VPS41: variants seen among roughly 807,000 people sequenced by gnomAD.
VPS41 encodes the protein VPS41 subunit of HOPS complex.
Under a neutral mutation model 130.9 loss-of-function variants are expected in VPS41, and 85 were observed. The observed-to-expected ratio is 0.65, with a 90% CI of 0.55 to 0.78. VPS41 has a LOEUF of 0.78. Ranked by LOEUF, VPS41 falls within the 30% of genes least tolerant of loss-of-function variation. The probability of loss-of-function intolerance (pLI) is 0.00; values close to 1 mark genes in which losing one functional copy is unlikely to be tolerated. For synonymous variants in VPS41, 335 were observed against 332.9 expected (o/e 1.01, Z -0.07); for missense variants, 874 against 1,018.7 (o/e 0.86, Z 1.93).
intron 4 of VPS41, among the ~76,000 whole-genome samples, chr7:38,850,267 C>T (rs2116260546): frequency 6.6e-6 from 1 of 152,244 alleles, no homozygotes; most frequent in South Asian, 2.1e-4. Flanking sequence ...TCACATTTCC[C>T]TTATTATTCT....
chr7:38,765,698 A>G (rs1784025787), intron 15 of VPS41, 37 bp from the exon 16 acceptor site: 1 of 1,410,978 alleles, frequency 7.1e-7, no homozygotes, highest in Non-Finnish European at 9.8e-7. Flanking sequence ...AAGAAAGTAT[A>G]TATTAAAAAA....
At chr7:38,835,464 AAC>A (rs1785473130) in intron 4 of VPS41, among the ~76,000 whole-genome samples, 2 of 152,066 alleles carry the variant, frequency 1.3e-5, no homozygotes, top group African/African-American at 4.8e-5. Context: ...TGAGAAAAGT[AAC>A]ATTTTGTTTC....
intron 4 of VPS41, among the ~76,000 whole-genome samples, chr7:38,840,501 GACTGAACAA>G (rs907473095): frequency 1.5e-4 from 23 of 152,094 alleles, no homozygotes; most frequent in Non-Finnish European, 4.4e-5. Flanking sequence ...TTAGGAAAGA[GACTGAACAA>G]AAATCCTACA....
Position 38,895,349 on chromosome 7 carries a change from AAAAC to A in VPS41, c.60+2738_60+2741del, listed in dbSNP as rs144615276. On this transcript the variant is annotated intron_variant, in intron 2 of 28. Transcript: ENST00000310301. ...AAAAAATAAAAATAAAAAAATAAAA[AAAAC>A]AAACCACGTTAAGGTAGTTTATTGT... Among the ~76,000 whole-genome samples, 929 of 152,256 alleles carry A rather than the reference AAAAC, an allele frequency of 6.1e-3. 7 individuals carry two copies. The highest frequency in any genetic ancestry group is 0.024 in the Middle Eastern group (7 of 294).
chr7:38,809,473 A>T (rs1219948130), intron 7 of VPS41, among the ~76,000 whole-genome samples: 1 of 151,668 alleles, frequency 6.6e-6, no homozygotes, highest in Non-Finnish European at 1.5e-5. Context: ...CTTAATAATA[A>T]TTTTTTAAAT....
At chr7:38,888,140 G>C (rs1375597751) in intron 2 of VPS41, among the ~76,000 whole-genome samples, 2 of 152,184 alleles carry the variant, frequency 1.3e-5, no homozygotes, top group Non-Finnish European at 2.9e-5. Flanking sequence ...GAAATAACCA[G>C]CTAGCATCAT....
intron 4 of VPS41, among the ~76,000 whole-genome samples, chr7:38,855,290 G>A (rs1416047715): frequency 1.3e-5 from 2 of 150,670 alleles, no homozygotes; most frequent in Non-Finnish European, 1.5e-5. Flanking sequence ...GAATCTTCAC[G>A]ATGATACTGT....
At chr7:38,898,047 C>T (rs369339594) in intron 2 of VPS41, 44 bp downstream of exon 2, 189 of 1,588,466 alleles carry the variant, frequency 1.2e-4, no homozygotes, top group Non-Finnish European at 1.5e-4. Flanking sequence ...AAGAGAACAA[C>T]GTGGTGAGCT....
At chr7:38,892,718 G>T (rs1786893364) in intron 2 of VPS41, among the ~76,000 whole-genome samples, 3 of 152,136 alleles carry the variant, frequency 2.0e-5, no homozygotes, top group Admixed American at 6.5e-5. Context: ...CCACTTTAAA[G>T]AAAAGAATAA....
At chr7:38,756,149 A>C (rs1050024106) in intron 19 of VPS41, among the ~76,000 whole-genome samples, 1 of 151,906 alleles carries the variant, frequency 6.6e-6, no homozygotes. Flanking sequence ...CAATTTTTTG[A>C]ATAAGAACAC....
chr7:38,787,961 A>G (rs1157236201), intron 10 of VPS41, among the ~76,000 whole-genome samples: 1 of 152,190 alleles, frequency 6.6e-6, no homozygotes, highest in Non-Finnish European at 1.5e-5. Context: ...TACAGTACAG[A>G]TGAACCACAC....
intron 25 of VPS41, among the ~76,000 whole-genome samples, chr7:38,738,017 C>G (rs1221990398): frequency 6.6e-6 from 1 of 152,168 alleles, no homozygotes; most frequent in South Asian, 2.1e-4. Flanking sequence ...CTGGGGAAAA[C>G]AGAGGTCCAA....
At chr7:38,905,638 C>A (rs1255336509) in intron 1 of VPS41, among the ~76,000 whole-genome samples, 1 of 152,160 alleles carries the variant, frequency 6.6e-6, no homozygotes, top group Non-Finnish European at 1.5e-5. Context: ...AGAAACAACA[C>A]TCACGAAAGA....
intron 2 of VPS41, among the ~76,000 whole-genome samples, chr7:38,872,217 C>T (rs1786380222): frequency 6.6e-6 from 1 of 152,206 alleles, no homozygotes; most frequent in Non-Finnish European, 1.5e-5. Flanking sequence ...GGATCACTCA[C>T]TCCGGAGGAA....
At chr7:38,857,843 C>T (rs1029215097) in intron 4 of VPS41, among the ~76,000 whole-genome samples, 1 of 152,152 alleles carries the variant, frequency 6.6e-6, no homozygotes. Context: ...TCAATCAATA[C>T]ATGTGAGGTA....
rs772734435 is a variant in VPS41 at position 38,772,682 on chromosome 7, G to T, written c.1013-45C>A. 8 of 1,405,938 alleles carry T rather than the reference G, an allele frequency of 5.7e-6. No individual in the cohort carries two copies. In the East Asian group the frequency reaches 1.6e-4, roughly 29 times the overall value. The allele number at this position is 1,405,938 out of a possible 1,614,324, so 87.1% of individuals were successfully genotyped here. A position where few individuals can be genotyped will look rare whatever the true frequency, so the allele number is the denominator to read the frequency against. On this transcript the variant is annotated intron_variant, in intron 12 of 28. Coordinates refer to ENST00000310301, the MANE Select transcript of VPS41 (RefSeq NM_014396.4). ...GGAACGACTTGGTGACTGAACAGCA[G>T]AAAACTTGGCAATGGTTTCAGAGGA...
chr7:38,875,796 T>C (rs769692794), intron 2 of VPS41, among the ~76,000 whole-genome samples: 1 of 152,234 alleles, frequency 6.6e-6, no homozygotes, highest in East Asian at 1.9e-4. Context: ...GGCAATTACA[T>C]TCTTATATGA....
At chr7:38,780,598 G>T (rs1784338592) in intron 10 of VPS41, among the ~76,000 whole-genome samples, 1 of 152,088 alleles carries the variant, frequency 6.6e-6, no homozygotes, top group African/African-American at 2.4e-5. Flanking sequence ...TCTGTACACG[G>T]TCCTCATCCA....
At chr7:38,836,873 T>A (rs1190631384) in intron 4 of VPS41, among the ~76,000 whole-genome samples, 3 of 152,208 alleles carry the variant, frequency 2.0e-5, no homozygotes, top group Admixed American at 2.0e-4. Context: ...TTGGAAAATG[T>A]TTCTGAAGGG....
Sources: allele counts gnomAD v4.1 joint callset (sites outside exome capture counted in the v4.1 genomes callset), GRCh38; gene constraint gnomAD v4.1.1; transcripts MANE v1.5; gene names NCBI Gene and HGNC (gene_info 2026-07-23, HGNC 2026-07-21).